The following STXBP5L variants were observed in gnomAD, a reference collection of about 807,000 sequenced individuals.
STXBP5L encodes syntaxin-binding protein 5-like.
Under a neutral mutation model 144.5 loss-of-function variants are expected in STXBP5L, and 65 were observed. The observed-to-expected ratio is 0.45, with a 90% CI of 0.37 to 0.55. STXBP5L has a LOEUF of 0.55. STXBP5L is among the 20% of genes least tolerant of loss of function. STXBP5L has a pLI of 0.00. For missense variants in STXBP5L, 1,298 were observed against 1,405.5 expected (o/e 0.92, Z 1.22); for synonymous variants, 505 against 469.6 (o/e 1.08, Z -0.97).
At chr3:121,233,786 A>G in intron 12 of STXBP5L, 98 bp downstream of exon 12, 1 of 932,952 alleles carries the variant, frequency 1.1e-6, no homozygotes, top group Non-Finnish European at 1.5e-6. Flanking sequence ...TTGTGTGAAT[A>G]TTGGTTTGCT....
At chr3:121,210,628 C>G (rs563604794) in intron 10 of STXBP5L, among the ~76,000 whole-genome samples, 17 of 152,132 alleles carry the variant, frequency 1.1e-4, no homozygotes, top group African/African-American at 3.9e-4. Flanking sequence ...GTAAGGGATC[C>G]AGTTTCAGGT....
intron 5 of STXBP5L, among the ~76,000 whole-genome samples, chr3:121,064,742 A>G (rs1373408295): frequency 6.6e-6 from 1 of 152,122 alleles, no homozygotes; most frequent in Non-Finnish European, 1.5e-5. Flanking sequence ...AAAAATGTCA[A>G]CTCTTATTTT....
At chr3:121,308,634 A>C (rs1417214705) in intron 19 of STXBP5L, among the ~76,000 whole-genome samples, 1 of 152,212 alleles carries the variant, frequency 6.6e-6, no homozygotes, top group African/African-American at 2.4e-5. Flanking sequence ...GGGTGGGAGC[A>C]AAGTTCTGTT....
chr3:120,979,570 G>C (rs543401409), intron 3 of STXBP5L, among the ~76,000 whole-genome samples: 5 of 152,150 alleles, frequency 3.3e-5, no homozygotes, highest in African/African-American at 1.2e-4. Context: ...TGCACCCACT[G>C]TCTGGCACTC....
At chr3:121,047,880 C>T (rs566925889) in intron 5 of STXBP5L, among the ~76,000 whole-genome samples, 5 of 151,944 alleles carry the variant, frequency 3.3e-5, no homozygotes, top group Non-Finnish European at 1.5e-5. Context: ...TGGATTTGAT[C>T]CTTTCATCAT....
intron 22 of STXBP5L, among the ~76,000 whole-genome samples, chr3:121,398,607 G>C (rs568113040): frequency 9.9e-5 from 15 of 152,268 alleles, no homozygotes; most frequent in African/African-American, 2.9e-4. Context: ...CTGACTTGCT[G>C]ATTTTTTCTA....
intron 5 of STXBP5L, among the ~76,000 whole-genome samples, chr3:121,046,610 G>A (rs548144250): frequency 6.6e-6 from 1 of 152,098 alleles, no homozygotes; most frequent in East Asian, 1.9e-4. Context: ...TTCCAGGAAT[G>A]TATTCATTTA....
intron 21 of STXBP5L, 72 bp downstream of exon 21, chr3:121,378,958 T>C: frequency 1.4e-6 from 2 of 1,446,008 alleles, no homozygotes; most frequent in East Asian, 2.4e-5. Flanking sequence ...AACAGAGATA[T>C]GGGATGGAGA....
At chr3:121,374,461 G>GA (rs1328328593) in intron 20 of STXBP5L, among the ~76,000 whole-genome samples, 27 of 150,466 alleles carry the variant, frequency 1.8e-4, no homozygotes, top group Non-Finnish European at 3.1e-4. Context: ...GACCCCAAAG[G>GA]AAAAAAAAGA....
At chr3:121,187,600 T>TAAA (rs60294540) in intron 9 of STXBP5L, among the ~76,000 whole-genome samples, 2 of 146,198 alleles carry the variant, frequency 1.4e-5, no homozygotes, top group Admixed American at 6.8e-5. Flanking sequence ...CCATGAATGA[T>TAAA]AAAAAAAAAA....
chr3:121,172,480 GT>G (rs2046762552), intron 9 of STXBP5L, among the ~76,000 whole-genome samples: 2 of 151,770 alleles, frequency 1.3e-5, no homozygotes, highest in Non-Finnish European at 2.9e-5. Flanking sequence ...AACTTAACAA[GT>G]TTACAAGTAA....
chr3:121,084,082 G>T (rs887754626), intron 5 of STXBP5L, among the ~76,000 whole-genome samples: 3 of 151,264 alleles, frequency 2.0e-5, no homozygotes, highest in African/African-American at 4.9e-5. Context: ...CAATTTTGTT[G>T]ATTTTTGCTC....
chr3:121,244,369 C>T (rs914402399), intron 14 of STXBP5L, among the ~76,000 whole-genome samples: 2 of 149,992 alleles, frequency 1.3e-5, no homozygotes, highest in African/African-American at 4.9e-5. Context: ...GTCAGAGGAA[C>T]AAAAAGAAGA....
chr3:121,173,623 G>C (rs2048981), intron 9 of STXBP5L, among the ~76,000 whole-genome samples: 18,187 of 151,906 alleles, frequency 0.12, 1,146 homozygotes, highest in Non-Finnish European at 0.14. Context: ...CAACTATTTT[G>C]TGTATTATAT....
chr3:120,934,558 G>C lies in STXBP5L; in HGVS notation c.190-20382G>C, dbSNP rs529690212. On this transcript the variant is annotated intron_variant, in intron 2 of 26. Transcript: ENST00000471454. Reference sequence around the variant, plus strand: ...TTTACTATATCTTTACTAATTTTTGGCCTGTGAGATCTGTTAATTATTGAG... The same window carrying C: ...TTTACTATATCTTTACTAATTTTTGCCCTGTGAGATCTGTTAATTATTGAG... 3.1e-3 allele frequency among the ~76,000 whole-genome samples: 467 copies of C among 152,000 alleles called. 5 individuals are homozygous for C. Among genetic ancestry groups the C allele is most frequent in the African/African-American group, 0.011 (450 of 41,488 alleles).
At chr3:120,996,286 C>A (rs1430040363) in intron 3 of STXBP5L, among the ~76,000 whole-genome samples, 1 of 151,808 alleles carries the variant, frequency 6.6e-6, no homozygotes, top group Non-Finnish European at 1.5e-5. Context: ...TATAAGTTTA[C>A]ATTTTCAATA....
intron 19 of STXBP5L, among the ~76,000 whole-genome samples, chr3:121,298,973 T>C (rs972512788): frequency 5.9e-5 from 9 of 152,096 alleles, no homozygotes; most frequent in African/African-American, 2.2e-4. Flanking sequence ...GTCTTTGGGG[T>C]TCTTCTCCTA....
chr3:120,921,615 A>G (rs1467950798), intron 2 of STXBP5L, among the ~76,000 whole-genome samples: 1 of 151,942 alleles, frequency 6.6e-6, no homozygotes, highest in Non-Finnish European at 1.5e-5. Flanking sequence ...TAGTTCTTAG[A>G]TTTAAGTCTT....
At chr3:121,148,881 C>T (rs1325111318) in intron 7 of STXBP5L, among the ~76,000 whole-genome samples, 1 of 151,890 alleles carries the variant, frequency 6.6e-6, no homozygotes, top group Non-Finnish European at 1.5e-5. Context: ...GTGCCATAGC[C>T]AAACAATGAA....
Sources: allele counts gnomAD v4.1 joint callset (sites outside exome capture counted in the v4.1 genomes callset), GRCh38; gene constraint gnomAD v4.1.1; transcripts MANE v1.5; gene names NCBI Gene and HGNC (gene_info 2026-07-23, HGNC 2026-07-21).